MCPH1: variants seen among roughly 807,000 people sequenced by gnomAD.
MCPH1 encodes the protein microcephalin.
In MCPH1, 104 loss-of-function variants were observed where a neutral mutation model predicts 84.5. The observed-to-expected ratio is 1.23, with a 90% confidence interval of 1.05 to 1.45. The LOEUF (loss-of-function observed/expected upper bound fraction) is 1.45. Among genes scored for constraint, MCPH1 ranks in the 40% most tolerant of loss-of-function variants. The pLI is 0.00. For missense variants in MCPH1, 1,498 were observed against 1,005.7 expected (o/e 1.49, Z -6.62); for synonymous variants, 514 against 366.8 (o/e 1.40, Z -4.58).
chr8:6,600,995 C>T (rs985463784), intron 12 of MCPH1, among the ~76,000 whole-genome samples: 1 of 152,164 alleles, frequency 6.6e-6, no homozygotes, highest in East Asian at 1.9e-4. Context: ...TACGGGGTCA[C>T]CAAGGGAGGA....
intron 12 of MCPH1, among the ~76,000 whole-genome samples, chr8:6,540,650 A>G (rs936804378): frequency 1.3e-5 from 2 of 152,250 alleles, no homozygotes; most frequent in Non-Finnish European, 2.9e-5. Flanking sequence ...GCAGCTTACA[A>G]TGACAAAATG....
intron 12 of MCPH1, among the ~76,000 whole-genome samples, chr8:6,540,951 T>A (rs10103461): frequency 0.013 from 1,920 of 152,328 alleles, 49 homozygotes; most frequent in African/African-American, 0.042. Flanking sequence ...GGGGCAAGAA[T>A]GGGGACTGCT....
intron 11 of MCPH1, among the ~76,000 whole-genome samples, chr8:6,488,126 A>T (rs1810149336): frequency 1.3e-5 from 2 of 152,238 alleles, no homozygotes; most frequent in African/African-American, 4.8e-5. Flanking sequence ...GCCAGAGCTC[A>T]TTCTCTGCGG....
chr8:6,419,527 G>C (rs1166064876), intron 3 of MCPH1, among the ~76,000 whole-genome samples: 3 of 151,412 alleles, frequency 2.0e-5, no homozygotes, highest in Admixed American at 6.6e-5. Context: ...CGAGTAGCTG[G>C]GACTACAGGC....
chr8:6,536,966 G>C (rs1820610032), intron 12 of MCPH1, among the ~76,000 whole-genome samples: 1 of 134,126 alleles, frequency 7.5e-6, no homozygotes, highest in Non-Finnish European at 1.6e-5. Context: ...GGAAGTCTTA[G>C]TACAAGAAAA....
At chr8:6,633,487 C>T (rs933853273) in intron 13 of MCPH1, among the ~76,000 whole-genome samples, 3 of 152,094 alleles carry the variant, frequency 2.0e-5, no homozygotes, top group Non-Finnish European at 2.9e-5. Context: ...TGAAATGCTC[C>T]GATATCTTAA....
intron 13 of MCPH1, chr8:6,642,645 G>C (rs1260988345): frequency 5.0e-6 from 2 of 399,310 alleles, no homozygotes; most frequent in African/African-American, 4.1e-5. Flanking sequence ...GAAGTGGTGA[G>C]CTAAGATTAG....
chr8:6,415,387 A>C (rs1357722318), intron 3 of MCPH1, among the ~76,000 whole-genome samples: 2 of 151,116 alleles, frequency 1.3e-5, no homozygotes, highest in African/African-American at 4.9e-5. Flanking sequence ...TCCTAGGCTC[A>C]AGTGATTCTT....
chr8:6,454,751 C>T (rs558206580), intron 8 of MCPH1, among the ~76,000 whole-genome samples: 14 of 152,212 alleles, frequency 9.2e-5, no homozygotes, highest in African/African-American at 3.4e-4. Context: ...TCAAACTGAC[C>T]CCAAAAGTTA....
chr8:6,418,201 G>C (rs180986325), intron 3 of MCPH1, among the ~76,000 whole-genome samples: 2 of 152,144 alleles, frequency 1.3e-5, no homozygotes, highest in South Asian at 2.1e-4. Context: ...TCTCTTCAGC[G>C]AGAAAGGAGG....
chr8:6,578,583 T>G (rs1282198226), intron 12 of MCPH1, among the ~76,000 whole-genome samples: 1 of 152,220 alleles, frequency 6.6e-6, no homozygotes, highest in Non-Finnish European at 1.5e-5. Flanking sequence ...GCAGAATATT[T>G]CATTGCTACC....
chr8:6,521,026 T>A, intron 12 of MCPH1: 2 of 620,000 alleles, frequency 3.2e-6, no homozygotes, highest in Non-Finnish European at 5.5e-6. Context: ...ATATTTCCCC[T>A]TCTCTTCTTC....
intron 12 of MCPH1, chr8:6,513,626 C>G: frequency 1.3e-6 from 2 of 1,541,136 alleles, no homozygotes; most frequent in Non-Finnish European, 1.8e-6. Flanking sequence ...AGCCACCGTG[C>G]CCGGCCACAA....
intron 12 of MCPH1, among the ~76,000 whole-genome samples, chr8:6,582,407 G>T (rs1432883823): frequency 6.6e-6 from 1 of 152,160 alleles, no homozygotes; most frequent in African/African-American, 2.4e-5. Context: ...CAGAGCTAGA[G>T]TTCAAACCCA....
rs1051565853 is a variant in MCPH1, at chr8:6,464,248, C to G, written c.1935+8996C>G. Among the ~76,000 whole-genome samples, 97 of 152,232 alleles carry G rather than the reference C, an allele frequency of 6.4e-4. 1 individual carries two copies. The highest frequency in any genetic ancestry group is 2.3e-3 in the African/African-American group (96 of 41,526). On this transcript the variant is annotated intron_variant, in intron 9 of 13. Transcript: ENST00000344683. ...GATAAATCACTTTTGGCAGAGTGTA[C>G]CCAGAGCTGGCAGTGGCGGGGATGT...
At chr8:6,506,149 G>A (rs1813688051) in intron 12 of MCPH1, among the ~76,000 whole-genome samples, 1 of 151,700 alleles carries the variant, frequency 6.6e-6, no homozygotes, top group African/African-American at 2.4e-5. Flanking sequence ...TCAGGTGAAT[G>A]CAGATTGGAC....
chr8:6,442,891 C>T (rs1211922853), intron 7 of MCPH1, among the ~76,000 whole-genome samples: 2 of 152,354 alleles, frequency 1.3e-5, no homozygotes, highest in African/African-American at 4.8e-5. Context: ...AACAAAGCCT[C>T]CTTTCAGCGC....
intron 9 of MCPH1, among the ~76,000 whole-genome samples, chr8:6,466,284 G>A (rs918293337): frequency 6.6e-6 from 1 of 151,244 alleles, no homozygotes; most frequent in African/African-American, 2.4e-5. Context: ...CTAGAGGCAC[G>A]TTCCATCACG....
intron 13 of MCPH1, among the ~76,000 whole-genome samples, chr8:6,640,102 G>A (rs981906116): frequency 2.3e-4 from 32 of 141,094 alleles, no homozygotes; most frequent in East Asian, 5.2e-4. Flanking sequence ...GTGTGTGCGC[G>A]CGCGTGTGTG....
Sources: allele counts gnomAD v4.1 joint callset (sites outside exome capture counted in the v4.1 genomes callset), GRCh38; gene constraint gnomAD v4.1.1; transcripts MANE v1.5; gene names NCBI Gene and HGNC (gene_info 2026-07-23, HGNC 2026-07-21).